Variants in LMOD3 observed in about 807,000 individuals in gnomAD.
LMOD3 encodes leiomodin-3.
Under a neutral mutation model 41.8 loss-of-function variants are expected in LMOD3, and 31 were observed. The ratio of observed to expected loss-of-function variants is 0.74; its 90% confidence interval spans 0.56 to 1.00. The LOEUF (loss-of-function observed/expected upper bound fraction) is 1.00. Among genes scored for constraint, LMOD3 ranks in the 50% least tolerant of loss-of-function variants. The pLI is 0.00. For synonymous variants in LMOD3, 292 were observed against 241.9 expected, an observed-to-expected ratio of 1.21 and a Z score of -1.92; for missense variants, 755 against 679.5, an observed-to-expected ratio of 1.11 and a Z score of -1.23.
chr3:69,106,270 A>T lies in LMOD3; in HGVS notation c.*2825T>A, dbSNP rs2092322107. 6.6e-6 allele frequency among the ~76,000 whole-genome samples: 1 copy of T among 152,164 alleles called. No homozygotes were observed. Among genetic ancestry groups the T allele is most frequent in the Admixed American group, 6.5e-5 (1 of 15,278 alleles). On this transcript the variant is annotated 3_prime_UTR_variant, in exon 3 of 3. Coordinates refer to ENST00000420581, the MANE Select transcript of LMOD3 (RefSeq NM_198271.5). ...CTGGCACGAGTTTTATATACATGTT[A>T]GCCCAGTTTTATATACATGTTAGCC...
At chr3:69,114,112 A>T (rs1240771813) in intron 2 of LMOD3, among the ~76,000 whole-genome samples, 4 of 152,220 alleles carry the variant, frequency 2.6e-5, no homozygotes, top group African/African-American at 9.6e-5. Flanking sequence ...AAAAGAGAAA[A>T]ACTAGAGGGT....
intron 2 of LMOD3, among the ~76,000 whole-genome samples, chr3:69,118,353 C>G (rs564026371): frequency 5.5e-4 from 83 of 152,238 alleles, no homozygotes; most frequent in Middle Eastern, 3.4e-3. Context: ...GCCTCAGTAT[C>G]CTTTTTATTA....
chr3:69,115,315 C>A (rs975061728), intron 2 of LMOD3, among the ~76,000 whole-genome samples: 1 of 151,170 alleles, frequency 6.6e-6, no homozygotes, highest in African/African-American at 2.4e-5. Context: ...GATCTCATCC[C>A]TACAAATTAA....
intron 2 of LMOD3, among the ~76,000 whole-genome samples, chr3:69,110,386 C>T (rs887201005): frequency 2.6e-5 from 4 of 151,574 alleles, no homozygotes; most frequent in East Asian, 2.0e-4. Context: ...CATGCCACCA[C>T]GCCCAGCTAA....
In LMOD3 at chr3:69,118,642, T is replaced by C. The variant is rs977700767; in HGVS notation, c.1656+57A>G. Reference sequence around the variant, plus strand: ...TGTTAAAACAGAGAGGGAATAAAGTTGGGATGCATTTACTATGGAGGGTGC... The same window carrying C: ...TGTTAAAACAGAGAGGGAATAAAGTCGGGATGCATTTACTATGGAGGGTGC... On this transcript the variant is annotated intron_variant, in intron 2 of 2. Transcript: ENST00000420581. 13 of 1,527,044 alleles carry C rather than the reference T, an allele frequency of 8.5e-6. No individual in the cohort carries two copies. In the African/African-American group the frequency reaches 1.7e-4, roughly 20 times the overall value. 94.6% of individuals were successfully genotyped at this position (1,527,044 alleles called of 1,614,324 possible). A position where few individuals can be genotyped will look rare whatever the true frequency, so the allele number is the denominator to read the frequency against.
rs868746733 is a variant in LMOD3, at chr3:69,119,879, C to G, written c.476G>C (p.Gly159Ala). ...TTCACTCTCTTCACCATCATCTTCT[C>G]CTTCGTCGTCATCATCATCATCTTC... ...EEEDDDDDDE[G>A]EDDGEESEET... is the part of the protein sequence containing the mutation. Residue 159 changes from glycine (G) to alanine (A), a missense_variant, in exon 2 of 3, where the codon GGA (glycine) becomes GCA (alanine). Physicochemically the swap from Gly to Ala is moderately conservative, Grantham distance 60. Transcript: ENST00000420581. The G allele has an allele frequency of 6.4e-7, 1 of 1,552,056 alleles. No homozygotes were observed. The highest frequency in any genetic ancestry group is 8.7e-7 in the Non-Finnish European group (1 of 1,144,862).
Position 69,119,544 on chromosome 3 carries a change from A to T in LMOD3, c.811T>A (p.Leu271Ile). Residue 271 changes from leucine (L) to isoleucine (I), a missense_variant, in exon 2 of 3, where the codon TTA (leucine) becomes ATA (isoleucine). Transcript: ENST00000420581. ...TTCATTGCATTGACAAAGTCCAGTA[A>T]CATTTCTTTGGGGATGTTTTCAATG... ...NNIENIPKEMLLDFVNAMKKN... is the reference protein window; with the variant it reads ...NNIENIPKEMILDFVNAMKKN... 2 of 1,613,868 alleles carry T rather than the reference A, an allele frequency of 1.2e-6. No individual in the cohort carries two copies. Among genetic ancestry groups the T allele is most frequent in the Non-Finnish European group, 8.5e-7 (1 of 1,179,884 alleles).
chr3:69,119,416 G>T lies in LMOD3; in HGVS notation c.939C>A (p.Thr313=), dbSNP rs2092395242. Residue 313 remains threonine (T), a synonymous_variant, in exon 2 of 3, where the codon ACC becomes ACA. Coordinates refer to ENST00000420581, the MANE Select transcript of LMOD3 (RefSeq NM_198271.5). ...TGAAATTGGACTCGATGTTGAGAGT[G>T]GTGATGCTTCTATTTTCACGCAACA... ...ANMLRENRSI[T]TLNIESNFIT... 1 of 1,613,844 alleles carries T rather than the reference G, an allele frequency of 6.2e-7. No individual in the cohort carries two copies.
Position 69,119,014 on chromosome 3 carries a change from G to A in LMOD3, c.1341C>T (p.Phe447=), listed in dbSNP as rs747539477. ...PKPDSRMQEF[F]QPPPPRPPNP... ...TGGGAGGCCGAGGTGGCGGTGGCTG[G>A]AAGAATTCCTGCATTCTGGAATCTG... The change falls in exon 2 of 3, where the codon TTC becomes TTT. Residue 447 remains phenylalanine (F), a synonymous_variant. Coordinates refer to ENST00000420581, the MANE Select transcript of LMOD3 (RefSeq NM_198271.5). 16 of 1,613,664 alleles carry A rather than the reference G, an allele frequency of 9.9e-6. No individual in the cohort carries two copies. The highest frequency in any genetic ancestry group is 1.3e-5 in the Non-Finnish European group (15 of 1,179,828).
At chr3:69,121,761 G>C (rs996948858) in intron 1 of LMOD3, among the ~76,000 whole-genome samples, 4 of 152,006 alleles carry the variant, frequency 2.6e-5, no homozygotes, top group Non-Finnish European at 4.4e-5. Context: ...CAATAAAAAA[G>C]AAAGAGAGAG....
At chr3:69,121,235 G>T (rs1172296216) in intron 1 of LMOD3, among the ~76,000 whole-genome samples, 1 of 152,182 alleles carries the variant, frequency 6.6e-6, no homozygotes, top group Non-Finnish European at 1.5e-5. Flanking sequence ...ACTCTAACCT[G>T]ATCAATCCAG....
chr3:69,110,100 A>G (rs969041298), intron 2 of LMOD3, among the ~76,000 whole-genome samples: 1 of 152,190 alleles, frequency 6.6e-6, no homozygotes, highest in African/African-American at 2.4e-5. Flanking sequence ...AACATGAAAT[A>G]TAAGCCAGGC....
At chr3:69,116,561 G>A (rs1337798883) in intron 2 of LMOD3, among the ~76,000 whole-genome samples, 1 of 152,134 alleles carries the variant, frequency 6.6e-6, no homozygotes, top group South Asian at 2.1e-4. Context: ...GCAGTGCTTG[G>A]TGGGGTGTTT....
At chr3:69,116,489 A>G (rs1200481945) in intron 2 of LMOD3, among the ~76,000 whole-genome samples, 1 of 152,180 alleles carries the variant, frequency 6.6e-6, no homozygotes. Flanking sequence ...TTTTTTTAAA[A>G]CACCACCACC....
intron 2 of LMOD3, among the ~76,000 whole-genome samples, chr3:69,112,180 C>T (rs2092352950): frequency 6.6e-6 from 1 of 152,108 alleles, no homozygotes; most frequent in Admixed American, 6.6e-5. Context: ...TGTTAGTTTT[C>T]AAAGAAAGTA....
At position 69,107,472 on chromosome 3, in the gene LMOD3, T is replaced by G. The variant is rs1377694402; in HGVS notation, c.*1623A>C. ...CCAAAGGTTTTTTTTTTTTTTTTTTTTTTTTTTTTTTTTTTTTTTTTTGAG... is the reference window on the plus strand; with the variant it reads ...CCAAAGGTTTTTTTTTTTTTTTTTTGTTTTTTTTTTTTTTTTTTTTTTGAG... On this transcript the variant is annotated 3_prime_UTR_variant, in exon 3 of 3. Coordinates refer to ENST00000420581, the MANE Select transcript of LMOD3 (RefSeq NM_198271.5). 1 of 107,882 alleles carries G rather than the reference T, an allele frequency of 9.3e-6. No homozygotes were observed. The highest frequency in any genetic ancestry group is 3.5e-4 in the South Asian group (1 of 2,898). The allele number at this position is 107,882 out of a possible 1,614,324, so 6.7% of individuals were successfully genotyped here. A position where few individuals can be genotyped will look rare whatever the true frequency, so the allele number is the denominator to read the frequency against.
At chr3:69,115,163 G>A (rs1037049806) in intron 2 of LMOD3, among the ~76,000 whole-genome samples, 10 of 152,064 alleles carry the variant, frequency 6.6e-5, no homozygotes, top group African/African-American at 1.2e-4. Context: ...ATGAACCACC[G>A]CTCCCAGCCA....
intron 2 of LMOD3, among the ~76,000 whole-genome samples, chr3:69,113,377 G>A (rs986785647): frequency 2.6e-5 from 4 of 152,178 alleles, no homozygotes; most frequent in African/African-American, 7.2e-5. Context: ...ATTATGTGAT[G>A]AGAAAGAGGA....
rs1472561398 is a variant in LMOD3, at chr3:69,108,425, T to C, written c.*670A>G. ...ATTACTTTTCCTAGTGACACTTAGT[T>C]TTCACCATGTTCTGTGGCTTACGTG... On this transcript the variant is annotated 3_prime_UTR_variant, in exon 3 of 3. Transcript: ENST00000420581. 6.6e-6 allele frequency: 1 copy of C among 152,184 alleles called. No individual in the cohort carries two copies. Among genetic ancestry groups the C allele is most frequent in the Non-Finnish European group, 1.5e-5 (1 of 68,056 alleles). The allele number at this position is 152,184 out of a possible 1,614,324, so 9.4% of individuals were successfully genotyped here.
Sources: gnomAD v4.1 joint callset for allele counts (sites outside exome capture counted in the v4.1 genomes callset) on GRCh38, gnomAD v4.1.1 for gene constraint, MANE v1.5 for transcripts, NCBI Gene and HGNC (gene_info 2026-07-23, HGNC 2026-07-21) for gene names.